Variants in FOXP2 observed in about 807,000 individuals in gnomAD.
The protein encoded by FOXP2 is forkhead box protein P2.
FOXP2 carries 12 observed loss-of-function variants against 115.8 expected under a neutral mutation model. That is an observed-to-expected ratio of 0.10 (90% CI 0.07 to 0.17). The LOEUF (loss-of-function observed/expected upper bound fraction) is 0.17, where lower values mean the gene tolerates loss of function less well. Among genes scored for constraint, FOXP2 ranks in the 10% least tolerant of loss-of-function variants. The pLI is 1.00. For synonymous variants in FOXP2, 328 were observed against 297.7 expected, an observed-to-expected ratio of 1.10 and a Z score of -1.05; for missense variants, 629 against 843.5, an observed-to-expected ratio of 0.75 and a Z score of 3.15.
intron 13 of FOXP2, among the ~76,000 whole-genome samples, chr7:114,661,146 G>T (rs553135039): frequency 6.7e-6 from 1 of 148,344 alleles, no homozygotes; most frequent in East Asian, 2.0e-4. Context: ...AAATTACTTT[G>T]TTTTATATTC....
chr7:114,584,917 T>A (rs1802056162), intron 3 of FOXP2, among the ~76,000 whole-genome samples: 1 of 152,230 alleles, frequency 6.6e-6, no homozygotes, highest in African/African-American at 2.4e-5. Flanking sequence ...CAAGTGTTTC[T>A]AGCACAATGT....
At position 114,662,105 on chromosome 7, in the gene FOXP2, T is replaced by C. The variant is rs1270889010; in HGVS notation, c.1688T>C (p.Val563Ala). 1 of 1,612,936 alleles carries C rather than the reference T, an allele frequency of 6.2e-7. No individual in the cohort carries two copies. The highest frequency in any genetic ancestry group is 1.3e-5 in the African/African-American group (1 of 74,970). Reference sequence around the variant, plus strand: ...AATCTTAGCCTGCACAAGTGTTTTGTTCGAGTAGAAAATGTTAAAGGAGCA... The same window carrying C: ...AATCTTAGCCTGCACAAGTGTTTTGCTCGAGTAGAAAATGTTAAAGGAGCA... Reference protein sequence around the residue: ...RHNLSLHKCFVRVENVKGAVW... With the variant: ...RHNLSLHKCFARVENVKGAVW... Residue 563 changes from valine to alanine, a missense_variant, in exon 14 of 17, where the codon GTT becomes GCT. By Grantham distance (64) the Val-to-Ala change is moderately conservative. Coordinates refer to ENST00000350908, the MANE Select transcript of FOXP2 (RefSeq NM_014491.4).
chr7:114,365,794 A>G (rs990819395), intron 2 of FOXP2, among the ~76,000 whole-genome samples: 2 of 152,172 alleles, frequency 1.3e-5, no homozygotes, highest in African/African-American at 4.8e-5. Context: ...GAAAGTGCTT[A>G]GTACTTCTCA....
rs573506189 is a variant in FOXP2 at position 114,298,392 on chromosome 7, A to G, written c.-11+10283A>G. ...TAAGTAGTGTATGTTCTTTGATATT[A>G]CTGTCTGGTCTCTCAGTCAGCACGC... On this transcript the variant is annotated intron_variant, in intron 2 of 17. Coordinates refer to the FOXP2 transcript ENST00000634411. Among the ~76,000 whole-genome samples the G allele has an allele frequency of 2.6e-5, 4 of 152,290 alleles. No homozygotes were observed. In the East Asian group the frequency reaches 7.7e-4, roughly 29 times the overall value.
chr7:114,291,850 T>C (rs904995437), intron 2 of FOXP2, among the ~76,000 whole-genome samples: 143 of 141,414 alleles, frequency 1.0e-3, no homozygotes, highest in African/African-American at 3.4e-3. Context: ...TATATATATA[T>C]AACATTTTAT....
Position 114,641,466 on chromosome 7 carries a change from T to C in FOXP2, c.776-944T>C, listed in dbSNP as rs537618414. On this transcript the variant is annotated intron_variant, in intron 6 of 16. Transcript: ENST00000350908. Reference sequence around the variant, plus strand: ...CATAAATGAAGGAGAAGTTTAGATATAATCTTCTTAACTGATCCAGTTAAG... The same window carrying C: ...CATAAATGAAGGAGAAGTTTAGATACAATCTTCTTAACTGATCCAGTTAAG... 4.6e-5 allele frequency among the ~76,000 whole-genome samples: 7 copies of C among 152,298 alleles called. No homozygotes were observed. The South Asian group carries it at 1.2e-3, about 27-fold the overall frequency.
intron 3 of FOXP2, among the ~76,000 whole-genome samples, chr7:114,547,797 G>A (rs1192168586): frequency 2.0e-5 from 3 of 152,078 alleles, no homozygotes; most frequent in Non-Finnish European, 4.4e-5. Flanking sequence ...GTAAGATGAT[G>A]TGAGGGTTTC....
At chr7:114,112,703 T>C (rs956533267) in intron 1 of FOXP2, among the ~76,000 whole-genome samples, 2 of 152,094 alleles carry the variant, frequency 1.3e-5, no homozygotes, top group African/African-American at 4.8e-5. Flanking sequence ...ATAGGGAGGC[T>C]CCAGTGGAAC....
At chr7:114,569,610 T>A (rs1434079484) in intron 3 of FOXP2, among the ~76,000 whole-genome samples, 1 of 151,898 alleles carries the variant, frequency 6.6e-6, no homozygotes, top group African/African-American at 2.4e-5. Flanking sequence ...AAAATGTATT[T>A]GTTGAATTCT....
upstream of FOXP2, among the ~76,000 whole-genome samples, chr7:114,411,757 C>T (rs1259111041): frequency 6.6e-6 from 1 of 152,088 alleles, no homozygotes. Flanking sequence ...GATCCCTCTG[C>T]ACTAGAGAGA....
chr7:114,498,476 T>C (rs1414467425), intron 2 of FOXP2, among the ~76,000 whole-genome samples: 3 of 152,174 alleles, frequency 2.0e-5, no homozygotes, highest in Non-Finnish European at 2.9e-5. Context: ...TACAGCCTGG[T>C]TAAGTGCAAT....
intron 2 of FOXP2, among the ~76,000 whole-genome samples, chr7:114,529,463 TTACTCTTATTAAAG>T (rs1245928844): frequency 6.6e-6 from 1 of 151,832 alleles, no homozygotes; most frequent in African/African-American, 2.4e-5. Context: ...TTGTAAGTAA[TTACTCTTATTAAAG>T]TACTCTTATT....
intron 2 of FOXP2, among the ~76,000 whole-genome samples, chr7:114,447,212 G>A (rs959146818): frequency 3.9e-5 from 6 of 152,008 alleles, no homozygotes; most frequent in Admixed American, 2.0e-4. Context: ...CCCACTGTCC[G>A]AATTGCCGTC....
intron 2 of FOXP2, among the ~76,000 whole-genome samples, chr7:114,522,182 G>T (rs1798658533): frequency 6.6e-6 from 1 of 152,094 alleles, no homozygotes; most frequent in Admixed American, 6.6e-5. Context: ...CAATAGAAAT[G>T]CTTCTTGTGC....
In FOXP2 at chr7:114,542,794, G is replaced by GTT. The variant is rs201884118; in HGVS notation, c.258+8101_258+8102dup. Among the ~76,000 whole-genome samples, 622 of 138,932 alleles carry GTT rather than the reference G, an allele frequency of 4.5e-3. 6 individuals carry two copies. The highest frequency in any genetic ancestry group is 0.014 in the African/African-American group (544 of 38,666). 91.1% of individuals were successfully genotyped at this position (138,932 alleles called of 152,430 possible). ...TTTTTTGTTTTTGTTTTTGTTTTTT[G>GTT]TTTTTTTTTTTTTTGAGGCAGAATC... On this transcript the variant is annotated intron_variant, in intron 3 of 16. Transcript: ENST00000350908.
chr7:114,562,314 T>C (rs1236202935), intron 3 of FOXP2, among the ~76,000 whole-genome samples: 1 of 152,194 alleles, frequency 6.6e-6, no homozygotes, highest in East Asian at 1.9e-4. Flanking sequence ...GTTTAGCAAT[T>C]GTTTCACAAG....
chr7:114,282,320 A>G (rs1278868876), intron 1 of FOXP2, among the ~76,000 whole-genome samples: 4 of 152,194 alleles, frequency 2.6e-5, no homozygotes, highest in East Asian at 3.8e-4. Context: ...TGAACTTTAA[A>G]CAATATTACA....
At chr7:114,310,817 G>A (rs190007738) in intron 2 of FOXP2, among the ~76,000 whole-genome samples, 156 of 152,236 alleles carry the variant, frequency 1.0e-3, no homozygotes, top group Non-Finnish European at 1.4e-3. Flanking sequence ...TTTTTTAAGA[G>A]CAGGAGTGAA....
At chr7:114,461,851 A>G (rs1795571979) in intron 2 of FOXP2, among the ~76,000 whole-genome samples, 1 of 151,798 alleles carries the variant, frequency 6.6e-6, no homozygotes, top group African/African-American at 2.4e-5. Flanking sequence ...ACTCTCTTTT[A>G]TTAATCTTAT....
Sources: gnomAD v4.1 joint callset for allele counts (sites outside exome capture counted in the v4.1 genomes callset) on GRCh38, gnomAD v4.1.1 for gene constraint, MANE v1.5 for transcripts, NCBI Gene and HGNC (gene_info 2026-07-23, HGNC 2026-07-21) for gene names.